The following FASTKD2 variants were observed in gnomAD, a reference collection of about 807,000 sequenced individuals.
The protein encoded by FASTKD2 is FAST kinase domains 2.
FASTKD2 carries 51 observed loss-of-function variants against 63.6 expected under a neutral mutation model. The ratio of observed to expected loss-of-function variants is 0.80; its 90% CI spans 0.64 to 1.01. FASTKD2 has a LOEUF of 1.01. FASTKD2 is among the 50% of genes least tolerant of loss of function. The pLI is 0.00. For synonymous variants in FASTKD2, 284 were observed against 293.4 expected (o/e 0.97, Z 0.33); for missense variants, 786 against 831.1 (o/e 0.95, Z 0.67).
rs1690288224 is a variant in FASTKD2, at chr2:206,791,630, T to C, written c.2014-53T>C. 2.5e-6 allele frequency: 4 copies of C among 1,572,854 alleles called. No individual in the cohort carries two copies. In the South Asian group the frequency reaches 4.4e-5, roughly 17 times the overall value. On this transcript the variant is annotated intron_variant, in intron 11 of 11. Coordinates refer to ENST00000402774, the MANE Select transcript of FASTKD2 (RefSeq NM_001136193.2). ...ACTATGTTTGGATCTCTAAACTAGC[T>C]CTTTTGTTAGTATCGTCTCACAAAC...
At chr2:206,771,793 C>T in intron 4 of FASTKD2, 101 bp from the exon 5 acceptor site, 1 of 972,686 alleles carries the variant, frequency 1.0e-6, no homozygotes, top group Non-Finnish European at 1.6e-6. Context: ...GGTTGAGGCT[C>T]CAACCTGGGT....
intron 11 of FASTKD2, 116 bp from the exon 12 acceptor site, chr2:206,791,567 C>T: frequency 2.2e-6 from 2 of 899,940 alleles, no homozygotes; most frequent in Non-Finnish European, 1.8e-6. Flanking sequence ...TATAAGGTCA[C>T]ATTTGCTTTC....
At chr2:206,773,643 T>G (rs941770938) in intron 6 of FASTKD2, among the ~76,000 whole-genome samples, 20 of 152,136 alleles carry the variant, frequency 1.3e-4, no homozygotes, top group African/African-American at 4.6e-4. Flanking sequence ...AAATATTGAG[T>G]TTACTGTGGA....
chr2:206,775,452 T>C (rs1031459471), intron 7 of FASTKD2, among the ~76,000 whole-genome samples: 1 of 152,000 alleles, frequency 6.6e-6, no homozygotes, highest in African/African-American at 2.4e-5. Flanking sequence ...CAGGGATAAA[T>C]CCTGCTTGGT....
At chr2:206,790,471 C>A in intron 10 of FASTKD2, 101 bp from the exon 11 acceptor site, 2 of 772,494 alleles carry the variant, frequency 2.6e-6, no homozygotes, top group Non-Finnish European at 4.7e-6. Flanking sequence ...GGATTGTGGT[C>A]GGTGGAGAGC....
chr2:206,786,469 A>G (rs2105985755), intron 7 of FASTKD2: 2 of 410,764 alleles, frequency 4.9e-6, no homozygotes, highest in East Asian at 1.0e-4. Context: ...ATTTTTTTAA[A>G]TGAGGAGAAT....
chr2:206,794,474 C>G lies in FASTKD2; in HGVS notation c.*2672C>G, dbSNP rs968756307. Among the ~76,000 whole-genome samples, 3 of 152,098 alleles carry G rather than the reference C, an allele frequency of 2.0e-5. No homozygotes were observed. The highest frequency in any genetic ancestry group is 7.2e-5 in the African/African-American group (3 of 41,430). On this transcript the variant is annotated 3_prime_UTR_variant, in exon 12 of 12. Transcript: ENST00000402774. Reference sequence around the variant, plus strand: ...CAGGCTAGCTTCAAACTCCTGGGCTCAAGGGATCCTCCTGCCTCAGCTTCT... The same window carrying G: ...CAGGCTAGCTTCAAACTCCTGGGCTGAAGGGATCCTCCTGCCTCAGCTTCT...
intron 7 of FASTKD2, among the ~76,000 whole-genome samples, chr2:206,783,082 C>T (rs1451944629): frequency 2.6e-5 from 4 of 151,914 alleles, no homozygotes; most frequent in African/African-American, 9.7e-5. Flanking sequence ...GAGTTTGAGT[C>T]AAATGCCCAT....
Position 206,795,281 on chromosome 2 carries a change from T to A in FASTKD2, c.*3479T>A, listed in dbSNP as rs1310115327. 2.0e-5 allele frequency among the ~76,000 whole-genome samples: 3 copies of A among 152,202 alleles called. No homozygotes were observed. Among genetic ancestry groups the A allele is most frequent in the African/African-American group, 7.2e-5 (3 of 41,450 alleles). On this transcript the variant is annotated 3_prime_UTR_variant, in exon 12 of 12. Transcript: ENST00000402774. ...CGGAGTCGTGGTCTGTCGCCCAGGC[T>A]GGAGTGCTGTGGCGTGATCTCAGCT...
At chr2:206,772,611 T>G (rs879343293) in intron 6 of FASTKD2, among the ~76,000 whole-genome samples, 1 of 152,196 alleles carries the variant, frequency 6.6e-6, no homozygotes, top group African/African-American at 2.4e-5. Flanking sequence ...ATTTTGTTGT[T>G]TTGCTGGGTT....
chr2:206,791,404 A>G (rs981888660), intron 11 of FASTKD2: 17 of 385,268 alleles, frequency 4.4e-5, no homozygotes, highest in Non-Finnish European at 7.6e-5. Context: ...TTTGTTTTTT[A>G]TATTGCTGAT....
intron 1 of FASTKD2, among the ~76,000 whole-genome samples, chr2:206,766,312 TCAATGCTAATCCC>T (rs1172367460): frequency 7.0e-6 from 1 of 142,198 alleles, no homozygotes; most frequent in Non-Finnish European, 1.5e-5. Context: ...AAATGATCTA[TCAATGCTAATCCC>T]CTAATTTTCA....
rs368346613 is a variant in FASTKD2 at position 206,775,580 on chromosome 2, GTT to G, written c.1427+1190_1427+1191del. On this transcript the variant is annotated intron_variant, in intron 7 of 11. Transcript: ENST00000402774. Reference sequence around the variant, plus strand: ...GCTGTAGTTTTTTTGTTTGTTTTTTGTTTTTTTTGATGTGTCTTTGTCTGATT... The same window carrying G: ...GCTGTAGTTTTTTTGTTTGTTTTTTGTTTTTTGATGTGTCTTTGTCTGATT... Among the ~76,000 whole-genome samples, 863 of 119,070 alleles carry G rather than the reference GTT, an allele frequency of 7.2e-3. 6 individuals are homozygous for G. The highest frequency in any genetic ancestry group is 0.034 in the African/African-American group (824 of 24,372). 78.1% of individuals were successfully genotyped at this position (119,070 alleles called of 152,430 possible).
At chr2:206,778,739 A>G (rs1689888502) in intron 7 of FASTKD2, among the ~76,000 whole-genome samples, 1 of 151,922 alleles carries the variant, frequency 6.6e-6, no homozygotes, top group Non-Finnish European at 1.5e-5. Context: ...TGGGCCACAC[A>G]GCAGGAGGTG....
At chr2:206,789,226 T>C (rs1690218835) in intron 10 of FASTKD2, 1 of 227,696 alleles carries the variant, frequency 4.4e-6, no homozygotes, top group Admixed American at 5.2e-5. Context: ...GATAATATAA[T>C]AGTGATCATA....
At chr2:206,787,320 G>C (rs1036756124) in intron 8 of FASTKD2, among the ~76,000 whole-genome samples, 49 of 152,124 alleles carry the variant, frequency 3.2e-4, no homozygotes, top group Non-Finnish European at 4.7e-4. Context: ...GGGAACACCT[G>C]TTAGATCAAG....
At chr2:206,789,048 G>A in intron 10 of FASTKD2, 145 bp downstream of exon 10, 2 of 675,116 alleles carry the variant, frequency 3.0e-6, no homozygotes, top group Admixed American at 2.1e-5. Context: ...ATCCATCAAT[G>A]TACTCCTTAG....
intron 10 of FASTKD2, chr2:206,789,493 T>TC (rs1318364058): frequency 1.3e-5 from 2 of 152,960 alleles, no homozygotes; most frequent in Non-Finnish European, 2.9e-5. Context: ...GATCATGCCA[T>TC]CATTGCACAC....
At chr2:206,781,736 A>G (rs1279142031) in intron 7 of FASTKD2, among the ~76,000 whole-genome samples, 1 of 144,796 alleles carries the variant, frequency 6.9e-6, no homozygotes, top group Non-Finnish European at 1.5e-5. Context: ...TGACTGCTGT[A>G]CTACAGTCGG....
Sources: allele counts gnomAD v4.1 joint callset (sites outside exome capture counted in the v4.1 genomes callset), GRCh38; gene constraint gnomAD v4.1.1; transcripts MANE v1.5; gene names NCBI Gene and HGNC (gene_info 2026-07-23, HGNC 2026-07-21).